CACNA2D3: variants seen among roughly 807,000 people sequenced by gnomAD.
The protein encoded by CACNA2D3 is calcium voltage-gated channel auxiliary subunit alpha2delta 3, also known as voltage-dependent calcium channel subunit alpha-2/delta-3.
CACNA2D3 carries 60 observed loss-of-function variants against 160.6 expected under a neutral mutation model. The ratio of observed to expected loss-of-function variants is 0.37; its 90% confidence interval spans 0.30 to 0.46. The LOEUF (loss-of-function observed/expected upper bound fraction) is 0.46. Among genes scored for constraint, CACNA2D3 ranks in the 20% least tolerant of loss-of-function variants. CACNA2D3 has a pLI of 1.00. For synonymous variants in CACNA2D3, 558 were observed against 492.9 expected (o/e 1.13, Z -1.75); for missense variants, 1,205 against 1,365.0 (o/e 0.88, Z 1.85).
intron 10 of CACNA2D3, chr3:54,638,525 G>A (rs944327231): frequency 2.0e-5 from 3 of 151,994 alleles, no homozygotes; most frequent in Non-Finnish European, 2.9e-5. Flanking sequence ...GCTCGGCCTG[G>A]CAAGGAGCAG....
intron 11 of CACNA2D3, among the ~76,000 whole-genome samples, chr3:54,697,031 CTT>C (rs769440640): frequency 2.0e-4 from 30 of 152,136 alleles, no homozygotes; most frequent in Non-Finnish European, 7.3e-5. Context: ...AATCCCAGCA[CTT>C]TGGGAGGCCG....
intron 11 of CACNA2D3, among the ~76,000 whole-genome samples, chr3:54,742,613 C>T (rs899499224): frequency 5.3e-5 from 8 of 152,104 alleles, no homozygotes; most frequent in African/African-American, 1.9e-4. Flanking sequence ...TCCACTGTTA[C>T]AAAGTGTAGG....
intron 2 of CACNA2D3, among the ~76,000 whole-genome samples, chr3:54,171,998 A>G (rs1297770586): frequency 6.6e-6 from 1 of 152,170 alleles, no homozygotes; most frequent in African/African-American, 2.4e-5. Flanking sequence ...TCTCCTCTAA[A>G]TGGCCAAAGA....
At chr3:54,807,885 A>T (rs1703174827) in intron 13 of CACNA2D3, among the ~76,000 whole-genome samples, 1 of 150,120 alleles carries the variant, frequency 6.7e-6, no homozygotes, top group African/African-American at 2.5e-5. Flanking sequence ...ATAAAAAATG[A>T]TGAGTTCATG....
chr3:54,823,174 T>A (rs969911383), intron 14 of CACNA2D3, among the ~76,000 whole-genome samples: 37 of 152,016 alleles, frequency 2.4e-4, no homozygotes, highest in African/African-American at 8.7e-4. Context: ...CATTTCTTAT[T>A]GAAAGGAAAT....
intron 2 of CACNA2D3, among the ~76,000 whole-genome samples, chr3:54,279,276 G>T (rs1223307797): frequency 6.6e-6 from 1 of 152,190 alleles, no homozygotes; most frequent in Admixed American, 6.5e-5. Context: ...CATTACGAGT[G>T]ATTTCAGTGA....
chr3:54,656,443 C>T (rs1019010957), intron 11 of CACNA2D3, among the ~76,000 whole-genome samples: 2 of 152,222 alleles, frequency 1.3e-5, no homozygotes, highest in Non-Finnish European at 2.9e-5. Flanking sequence ...AGAAACTGCC[C>T]AGTGGCATCC....
At chr3:54,335,542 G>A (rs185469251) in intron 3 of CACNA2D3, among the ~76,000 whole-genome samples, 11 of 152,272 alleles carry the variant, frequency 7.2e-5, no homozygotes, top group South Asian at 2.1e-4. Context: ...TGCCGTTTTG[G>A]TTTTGGTGGG....
At chr3:55,044,058 T>C (rs554303589) in intron 35 of CACNA2D3, among the ~76,000 whole-genome samples, 46 of 152,342 alleles carry the variant, frequency 3.0e-4, no homozygotes, top group African/African-American at 1.1e-3. Flanking sequence ...CTTTACTTTA[T>C]TCTTTTTCAA....
chr3:54,626,653 C>T, intron 9 of CACNA2D3: 1 of 791,564 alleles, frequency 1.3e-6, no homozygotes, highest in Admixed American at 2.1e-5. Flanking sequence ...CAAGCAGTGG[C>T]TCAGCTAATA....
intron 16 of CACNA2D3, among the ~76,000 whole-genome samples, chr3:54,844,299 AC>A (rs1164738946): frequency 6.6e-6 from 1 of 152,144 alleles, no homozygotes; most frequent in East Asian, 1.9e-4. Context: ...GCCCCTGGCA[AC>A]CGTAGAGAAA....
chr3:54,853,755 G>C (rs1405332), intron 17 of CACNA2D3, among the ~76,000 whole-genome samples: 101,772 of 151,704 alleles, frequency 0.67, 34,872 homozygotes, highest in Admixed American at 0.76. Flanking sequence ...CAGAGGAGGT[G>C]GGGGAGGACT....
At chr3:55,002,049 G>C (rs191789836) in intron 31 of CACNA2D3, among the ~76,000 whole-genome samples, 1 of 151,924 alleles carries the variant, frequency 6.6e-6, no homozygotes, top group Admixed American at 6.6e-5. Context: ...CCAACTACTC[G>C]GGAGGCTGAA....
rs534677853 is a variant in CACNA2D3 at position 54,854,366 on chromosome 3, G to A, written c.1626+7899G>A. On this transcript the variant is annotated intron_variant, in intron 17 of 37. Transcript: ENST00000474759. ...TGGGCACGAGTGGACAGATTGCAGCGTTGAGGGGAGGGCTTACAACTCAAG... is the reference window on the plus strand; with the variant it reads ...TGGGCACGAGTGGACAGATTGCAGCATTGAGGGGAGGGCTTACAACTCAAG... 3.9e-5 allele frequency among the ~76,000 whole-genome samples: 6 copies of A among 152,320 alleles called. No homozygotes were observed. The East Asian group carries it at 5.8e-4, about 15-fold the overall frequency.
intron 19 of CACNA2D3, 74 bp downstream of exon 19, chr3:54,879,163 A>T: frequency 9.7e-7 from 1 of 1,027,522 alleles, no homozygotes. Flanking sequence ...TGAAAGCTAT[A>T]TCTGGAATAA....
intron 2 of CACNA2D3, among the ~76,000 whole-genome samples, chr3:54,127,776 A>C (rs1699624279): frequency 6.6e-6 from 1 of 152,212 alleles, no homozygotes; most frequent in Non-Finnish European, 1.5e-5. Flanking sequence ...TCATTAACAC[A>C]ATCACCCAGA....
At chr3:54,892,475 A>C (rs759291566) in intron 25 of CACNA2D3, among the ~76,000 whole-genome samples, 1 of 152,212 alleles carries the variant, frequency 6.6e-6, no homozygotes, top group African/African-American at 2.4e-5. Context: ...TAAATGACAG[A>C]TCAATCAATG....
At chr3:54,975,246 C>T (rs567447162) in intron 29 of CACNA2D3, among the ~76,000 whole-genome samples, 5 of 152,284 alleles carry the variant, frequency 3.3e-5, no homozygotes, top group East Asian at 1.9e-4. Flanking sequence ...TGGCTGGGCA[C>T]GATGGCTCAC....
chr3:54,880,890 C>A (rs1333239130), intron 21 of CACNA2D3, 27 bp downstream of exon 21: 1 of 1,603,124 alleles, frequency 6.2e-7, no homozygotes, highest in African/African-American at 1.3e-5. Context: ...CTCGTCTTAT[C>A]CTTTGGTGTG....
Sources: allele counts gnomAD v4.1 joint callset (sites outside exome capture counted in the v4.1 genomes callset), GRCh38; gene constraint gnomAD v4.1.1; transcripts MANE v1.5; gene names NCBI Gene and HGNC (gene_info 2026-07-23, HGNC 2026-07-21).